Variants in MYLK observed in about 807,000 individuals in gnomAD.
MYLK encodes the protein myosin light chain kinase.
Under a neutral mutation model 203.4 loss-of-function variants are expected in MYLK, and 106 were observed. The observed-to-expected ratio is 0.52, with a 90% CI of 0.45 to 0.61. The LOEUF (loss-of-function observed/expected upper bound fraction) is 0.61, where lower values mean the gene tolerates loss of function less well. MYLK is among the 20% of genes least tolerant of loss of function. MYLK has a pLI of 0.00. For missense variants in MYLK, 2,072 were observed against 2,442.3 expected, an observed-to-expected ratio of 0.85 and a Z score of 3.20; for synonymous variants, 867 against 959.5, an observed-to-expected ratio of 0.90 and a Z score of 1.78.
chr3:123,881,067 G>A (rs975497952), intron 1 of MYLK, among the ~76,000 whole-genome samples: 3 of 152,198 alleles, frequency 2.0e-5, no homozygotes, highest in African/African-American at 7.2e-5. Flanking sequence ...CTGCAGAATG[G>A]TGCAGGTGGG....
At chr3:123,842,421 C>A (rs2066616453) in intron 2 of MYLK, among the ~76,000 whole-genome samples, 1 of 152,070 alleles carries the variant, frequency 6.6e-6, no homozygotes, top group Non-Finnish European at 1.5e-5. Flanking sequence ...CAATTTAATC[C>A]AATCTCACAA....
chr3:123,732,924 C>A lies in MYLK; in HGVS notation c.1488G>T (p.Leu496=). ...SCTASNAQGQ[L]SCSWTLQVER... ...CCACTTGGAGGGTCCAGCTACAGGA[C>A]AGCTGGCCTTGGGCGTTGGAAGCAG... The change falls in exon 11 of 34, where the codon CTG becomes CTT. Residue 496 remains leucine (L), a synonymous_variant. Coordinates refer to ENST00000360304, the MANE Select transcript of MYLK (RefSeq NM_053025.4). 1 of 1,614,182 alleles carries A rather than the reference C, an allele frequency of 6.2e-7. No individual in the cohort carries two copies. The highest frequency in any genetic ancestry group is 2.2e-5 in the East Asian group (1 of 44,872).
intron 9 of MYLK, 48 bp downstream of exon 9, chr3:123,735,350 A>G (rs752441340): frequency 6.2e-7 from 1 of 1,610,946 alleles, no homozygotes; most frequent in South Asian, 1.1e-5. Context: ...ACATCCTTGC[A>G]GGGCATTTCA....
At chr3:123,740,642 T>C (rs1489055229) in intron 5 of MYLK, among the ~76,000 whole-genome samples, 5 of 151,758 alleles carry the variant, frequency 3.3e-5, no homozygotes, top group East Asian at 1.9e-4. Context: ...CTGGGCAAGG[T>C]GCTGCTATGC....
chr3:123,666,247 G>A lies in MYLK; in HGVS notation c.3803C>T (p.Thr1268Ile). 3 of 1,614,212 alleles carry A rather than the reference G, an allele frequency of 1.9e-6. No individual in the cohort carries two copies. The highest frequency in any genetic ancestry group is 2.5e-6 in the Non-Finnish European group (3 of 1,180,040). ...CTTTCGGAACTTCATCCAGGTACAG[G>A]TGATGGGCTGAGTGCCTGTCACTTT... ...FGKVTGTQPI[T>I]CTWMKFRKQI... The change falls in exon 22 of 34, where the codon ACC becomes ATC. Residue 1268 changes from threonine (T) to isoleucine (I), a missense_variant. Thr to Ile is a moderately conservative substitution (Grantham distance 89). This residue lies in a region of MYLK where 865 missense variants were observed against 1,016.0 expected (regional missense o/e 0.85). Coordinates refer to ENST00000360304, the MANE Select transcript of MYLK (RefSeq NM_053025.4).
chr3:123,796,428 AAG>A (rs2064989425), intron 3 of MYLK, among the ~76,000 whole-genome samples: 4 of 152,176 alleles, frequency 2.6e-5, no homozygotes, highest in African/African-American at 9.7e-5. Flanking sequence ...GCTGATGGGA[AAG>A]GAAAAGTAAA....
At chr3:123,771,977 C>T (rs1271536592) in intron 4 of MYLK, among the ~76,000 whole-genome samples, 2 of 152,022 alleles carry the variant, frequency 1.3e-5, no homozygotes, top group East Asian at 1.9e-4. Flanking sequence ...TGGGAACCGT[C>T]TACACCTCTG....
At chr3:123,873,992 G>A (rs1320974655) in intron 2 of MYLK, among the ~76,000 whole-genome samples, 1 of 151,946 alleles carries the variant, frequency 6.6e-6, no homozygotes, top group African/African-American at 2.4e-5. Context: ...TATTGATAAG[G>A]AAATCAAAGA....
intron 4 of MYLK, among the ~76,000 whole-genome samples, chr3:123,767,675 T>G (rs554201911): frequency 1.4e-4 from 21 of 152,300 alleles, no homozygotes; most frequent in African/African-American, 4.6e-4. Context: ...TTTGCTGCAC[T>G]AAGCACGTTA....
intron 30 of MYLK, 25 bp from the exon 31 acceptor site, chr3:123,626,966 T>C: frequency 6.2e-7 from 1 of 1,613,624 alleles, no homozygotes; most frequent in South Asian, 1.1e-5. Flanking sequence ...GATCAGGAGA[T>C]TTTTGAGCAG....
rs577759093 is a variant in MYLK at position 123,757,238 on chromosome 3, C to T, written c.166-4700G>A. ...TCAACTTATCCTCAGTTGCTTAGGA[C>T]GGGCTACCATAGCCTGTGCTCAGAG... is the stretch of plus-strand genomic sequence containing the variant. On this transcript the variant is annotated intron_variant, in intron 4 of 33. Coordinates refer to ENST00000360304, the MANE Select transcript of MYLK (RefSeq NM_053025.4). Among the ~76,000 whole-genome samples, 15 of 152,316 alleles carry T rather than the reference C, an allele frequency of 9.8e-5. No homozygotes were observed. The South Asian group carries it at 2.3e-3, about 23-fold the overall frequency.
At chr3:123,759,025 A>G (rs551963830) in intron 4 of MYLK, among the ~76,000 whole-genome samples, 1 of 152,104 alleles carries the variant, frequency 6.6e-6, no homozygotes. Flanking sequence ...GGGTCTTTCC[A>G]TGTTGCCCAG....
chr3:123,684,488 C>T (rs144242751), intron 19 of MYLK, among the ~76,000 whole-genome samples: 1,917 of 152,270 alleles, frequency 0.013, 32 homozygotes, highest in East Asian at 0.051. Context: ...TGAAGACCAG[C>T]ATTTCTAACA....
intron 2 of MYLK, among the ~76,000 whole-genome samples, chr3:123,849,834 G>C (rs1274956617): frequency 6.6e-6 from 1 of 151,970 alleles, no homozygotes; most frequent in Non-Finnish European, 1.5e-5. Flanking sequence ...CTGTTGGTGT[G>C]CTGCACCCAT....
intron 9 of MYLK, chr3:123,734,582 A>G (rs1043387031): frequency 4.3e-5 from 8 of 187,998 alleles, no homozygotes; most frequent in Admixed American, 5.6e-5. Flanking sequence ...TTTTAAAAAC[A>G]TTAATCAAAT....
chr3:123,866,107 T>G (rs561522875), intron 2 of MYLK, among the ~76,000 whole-genome samples: 1 of 152,196 alleles, frequency 6.6e-6, no homozygotes, highest in Non-Finnish European at 1.5e-5. Flanking sequence ...GCTTTTCAGG[T>G]CTTCACAAGC....
At chr3:123,764,983 G>A (rs892460834) in intron 4 of MYLK, among the ~76,000 whole-genome samples, 1 of 151,910 alleles carries the variant, frequency 6.6e-6, no homozygotes, top group African/African-American at 2.4e-5. Flanking sequence ...CATTCTTTCT[G>A]TCCTCATAGG....
At chr3:123,763,790 G>A (rs1435478111) in intron 4 of MYLK, among the ~76,000 whole-genome samples, 1 of 152,080 alleles carries the variant, frequency 6.6e-6, no homozygotes, top group African/African-American at 2.4e-5. Context: ...CTTGGTGTGG[G>A]TCTTTGTTCA....
intron 3 of MYLK, 103 bp downstream of exon 3, chr3:123,831,445 C>G (rs2066325310): frequency 7.8e-7 from 1 of 1,289,084 alleles, no homozygotes; most frequent in East Asian, 5.6e-5. Flanking sequence ...GCAGCAGTCT[C>G]TTCTGGGCAC....
Sources: allele counts gnomAD v4.1 joint callset (sites outside exome capture counted in the v4.1 genomes callset), GRCh38; gene constraint gnomAD v4.1.1; regional missense constraint gnomAD v4.1.1; transcripts MANE v1.5; gene names NCBI Gene and HGNC (gene_info 2026-07-23, HGNC 2026-07-21).